Variants in TRAPPC9 observed in about 807,000 individuals in gnomAD.
The protein encoded by TRAPPC9 is IKK2 binding protein.
TRAPPC9 carries 83 observed loss-of-function variants against 124.0 expected under a neutral mutation model. That is an observed-to-expected ratio of 0.67 (90% CI 0.56 to 0.80). The LOEUF (loss-of-function observed/expected upper bound fraction) is 0.80. Among genes scored for constraint, TRAPPC9 ranks in the 30% least tolerant of loss-of-function variants. TRAPPC9 has a pLI of 0.00. For missense variants in TRAPPC9, 1,302 were observed against 1,508.3 expected (o/e 0.86, Z 2.27); for synonymous variants, 638 against 617.5 (o/e 1.03, Z -0.49).
At chr8:140,272,120 G>GTGATAGTGATTATGGTAGTGGCAATGA (rs1554657930) in intron 15 of TRAPPC9, among the ~76,000 whole-genome samples, 1 of 126,286 alleles carries the variant, frequency 7.9e-6, no homozygotes, top group African/African-American at 3.1e-5. Flanking sequence ...GGTGGCAATG[G>GTGATAGTGATTATGGTAGTGGCAATGA]TGATGGTGGC....
At chr8:139,820,721 A>G (rs1586917867) in intron 21 of TRAPPC9, among the ~76,000 whole-genome samples, 2 of 152,372 alleles carry the variant, frequency 1.3e-5, no homozygotes, top group Middle Eastern at 6.8e-3. Flanking sequence ...ACAGTAGAAC[A>G]GATAATTCAG....
intron 21 of TRAPPC9, among the ~76,000 whole-genome samples, chr8:139,878,856 C>T (rs891484387): frequency 6.6e-5 from 10 of 152,330 alleles, no homozygotes; most frequent in Non-Finnish European, 1.2e-4. Flanking sequence ...GTGGTTGAAG[C>T]GAGAGGATCG....
At chr8:140,177,622 A>G (rs542413245) in intron 17 of TRAPPC9, among the ~76,000 whole-genome samples, 2 of 150,760 alleles carry the variant, frequency 1.3e-5, no homozygotes, top group Admixed American at 6.6e-5. Context: ...AATTTCTAAG[A>G]AAAAAAAACA....
At chr8:140,262,115 C>T (rs1419244720) in intron 15 of TRAPPC9, among the ~76,000 whole-genome samples, 4 of 152,146 alleles carry the variant, frequency 2.6e-5, no homozygotes, top group African/African-American at 7.2e-5. Context: ...TGGGTATAGC[C>T]AGGATTCAAC....
At position 140,273,953 on chromosome 8, in the gene TRAPPC9, T is replaced by C. The variant is rs929213261; in HGVS notation, c.2278+1705A>G. 2.6e-5 allele frequency among the ~76,000 whole-genome samples: 4 copies of C among 152,238 alleles called. No homozygotes were observed. In the South Asian group the frequency reaches 8.3e-4, roughly 32 times the overall value. ...TTCTGCCATCTTTATGCAGAAACCA[T>C]GCCAAATTAACAACTGCCAGCAGGT... On this transcript the variant is annotated intron_variant, in intron 15 of 22. Coordinates refer to ENST00000438773, the MANE Select transcript of TRAPPC9 (RefSeq NM_001160372.4).
At chr8:140,157,213 T>C (rs1587826675) in intron 17 of TRAPPC9, among the ~76,000 whole-genome samples, 1 of 42,378 alleles carries the variant, frequency 2.4e-5, no homozygotes, top group African/African-American at 1.1e-4. Context: ...GCCTCCCTTT[T>C]CCATTCAAAA....
At chr8:140,383,743 G>T (rs534021434) in intron 7 of TRAPPC9, among the ~76,000 whole-genome samples, 8 of 152,288 alleles carry the variant, frequency 5.3e-5, no homozygotes, top group African/African-American at 1.9e-4. Context: ...CACTCTGCAG[G>T]ATATTATCCA....
Position 140,197,020 on chromosome 8 carries a change from G to GT in TRAPPC9, c.2556+24438dup, listed in dbSNP as rs1415570213. Among the ~76,000 whole-genome samples, 11 of 152,360 alleles carry GT rather than the reference G, an allele frequency of 7.2e-5. No homozygotes were observed. In the East Asian group the frequency reaches 2.1e-3, roughly 29 times the overall value. On this transcript the variant is annotated intron_variant, in intron 17 of 22. Transcript: ENST00000438773. The stretch of plus-strand genomic sequence containing the variant: ...GCGCATAGCAATTGCCAGGAACAGA[G>GT]TAACACTCGGTAAATGTAAACTACA...
At chr8:139,872,121 T>TG (rs1177615523) in intron 21 of TRAPPC9, among the ~76,000 whole-genome samples, 1 of 149,774 alleles carries the variant, frequency 6.7e-6, no homozygotes, top group East Asian at 2.0e-4. Context: ...GATGGATGGG[T>TG]GGGCTGGTGG....
At chr8:139,995,861 TAAAAA>T (rs35970083) in intron 18 of TRAPPC9, among the ~76,000 whole-genome samples, 3 of 96,888 alleles carry the variant, frequency 3.1e-5, no homozygotes, top group Admixed American at 1.1e-4. Context: ...TACTCTGCAT[TAAAAA>T]AAAAAAAAAA....
At chr8:140,089,772 G>A (rs1260671671) in intron 17 of TRAPPC9, among the ~76,000 whole-genome samples, 1 of 152,090 alleles carries the variant, frequency 6.6e-6, no homozygotes, top group Non-Finnish European at 1.5e-5. Flanking sequence ...CCTTCTGAGT[G>A]TTTGCTTAAA....
chr8:140,040,103 G>A (rs138020517), intron 17 of TRAPPC9: 56 of 152,320 alleles, frequency 3.7e-4, no homozygotes, highest in African/African-American at 1.3e-3. Context: ...AACCACTGCT[G>A]ATAGACACAT....
chr8:140,268,600 T>C (rs1480518924), intron 15 of TRAPPC9, among the ~76,000 whole-genome samples: 1 of 152,172 alleles, frequency 6.6e-6, no homozygotes, highest in Non-Finnish European at 1.5e-5. Flanking sequence ...AGGAGGCCTT[T>C]GTTTTTATGC....
intron 21 of TRAPPC9, among the ~76,000 whole-genome samples, chr8:139,787,994 G>T (rs1010974549): frequency 7.2e-5 from 11 of 152,166 alleles, no homozygotes; most frequent in African/African-American, 2.7e-4. Flanking sequence ...CCCACCGCGG[G>T]CATCTGACCC....
Position 140,403,017 on chromosome 8 carries a change from G to C in TRAPPC9, c.1008+2560C>G, listed in dbSNP as rs139822876. On this transcript the variant is annotated intron_variant, in intron 6 of 22. Coordinates refer to ENST00000438773, the MANE Select transcript of TRAPPC9 (RefSeq NM_001160372.4). ...TAACGGTGAATACAGATATATGTTTGCATAGATTATCTCAGCTTATCTTAA... is the reference window on the plus strand; with the variant it reads ...TAACGGTGAATACAGATATATGTTTCCATAGATTATCTCAGCTTATCTTAA... 3.1e-3 allele frequency among the ~76,000 whole-genome samples: 473 copies of C among 152,260 alleles called. 2 individuals carry two copies. Among genetic ancestry groups the C allele is most frequent in the African/African-American group, 0.011 (460 of 41,556 alleles).
At chr8:140,072,024 A>C (rs1227325378) in intron 17 of TRAPPC9, among the ~76,000 whole-genome samples, 1 of 152,202 alleles carries the variant, frequency 6.6e-6, no homozygotes, top group Non-Finnish European at 1.5e-5. Flanking sequence ...ATAAGGCATA[A>C]AACAGAGCAG....
intron 18 of TRAPPC9, among the ~76,000 whole-genome samples, chr8:139,995,682 CCTAAGCTCACCAGGGAG>C (rs1263654264): frequency 6.6e-6 from 1 of 151,968 alleles, no homozygotes; most frequent in Non-Finnish European, 1.5e-5. Context: ...AGCATGAACT[CCTAAGCTCACCAGGGAG>C]CTGAGCTTGA....
intron 15 of TRAPPC9, among the ~76,000 whole-genome samples, chr8:140,263,710 T>A (rs1186561074): frequency 2.0e-5 from 3 of 152,182 alleles, no homozygotes; most frequent in Non-Finnish European, 4.4e-5. Flanking sequence ...AGTAACTTGG[T>A]CCAGGTCACC....
intron 16 of TRAPPC9, among the ~76,000 whole-genome samples, chr8:140,248,579 C>T (rs2064043513): frequency 6.6e-6 from 1 of 152,200 alleles, no homozygotes; most frequent in African/African-American, 2.4e-5. Flanking sequence ...ATATTTTTGC[C>T]TATGGGTATT....
Sources: allele counts gnomAD v4.1 joint callset (sites outside exome capture counted in the v4.1 genomes callset), GRCh38; gene constraint gnomAD v4.1.1; transcripts MANE v1.5; gene names NCBI Gene and HGNC (gene_info 2026-07-23, HGNC 2026-07-21).